CHAC2: variants seen among roughly 807,000 people sequenced by gnomAD.
The protein encoded by CHAC2 is glutathione-specific gamma-glutamylcyclotransferase 2.
A neutral mutation model predicts 16.9 loss-of-function variants in CHAC2; 20 were observed. That is an observed-to-expected ratio of 1.18 (90% CI 0.83 to 1.72). The LOEUF (loss-of-function observed/expected upper bound fraction) is 1.72, where lower values mean the gene tolerates loss of function less well. Among genes scored for constraint, CHAC2 ranks in the 40% most tolerant of loss-of-function variants. The probability of loss-of-function intolerance (pLI) is 0.00; values close to 1 mark genes in which losing one functional copy is unlikely to be tolerated. For synonymous variants in CHAC2, 91 were observed against 77.3 expected (o/e 1.18, Z -0.93); for missense variants, 269 against 222.2 (o/e 1.21, Z -1.34).
chr2:53,773,791 C>T (rs1410609067), intron 2 of CHAC2, among the ~76,000 whole-genome samples: 24 of 150,566 alleles, frequency 1.6e-4, no homozygotes, highest in African/African-American at 3.2e-4. Context: ...TCCCAGCACA[C>T]TGGGAGGCCG....
intron 2 of CHAC2, among the ~76,000 whole-genome samples, chr2:53,772,232 T>G (rs565042461): frequency 3.9e-5 from 6 of 152,292 alleles, no homozygotes; most frequent in African/African-American, 1.4e-4. Context: ...TGGAGTGCAG[T>G]GGCGCGATCT....
chr2:53,767,970 C>T lies in CHAC2; in HGVS notation c.84C>T (p.Tyr28=). 6.2e-7 allele frequency: 1 copy of T among 1,614,158 alleles called. No homozygotes were observed. Among genetic ancestry groups the T allele is most frequent in the Non-Finnish European group, 8.5e-7 (1 of 1,180,024 alleles). ...QDKLVGYITN[Y]SRRFWQGSTD... ...AGCTGGTCGGATACATCACCAACTACAGCAGGCGCTTCTGGCAGGGCAGCA... is the reference window on the plus strand; with the variant it reads ...AGCTGGTCGGATACATCACCAACTATAGCAGGCGCTTCTGGCAGGGCAGCA... The change falls in exon 1 of 3, where the codon TAC becomes TAT. Residue 28 remains tyrosine, a synonymous_variant. Transcript: ENST00000295304.
chr2:53,769,032 T>C (rs1673702126), intron 1 of CHAC2, among the ~76,000 whole-genome samples: 1 of 152,214 alleles, frequency 6.6e-6, no homozygotes, highest in African/African-American at 2.4e-5. Context: ...GTTAAGAACT[T>C]GGCTTTTAAG....
In CHAC2 at chr2:53,774,387, A is replaced by G; in HGVS notation, c.417A>G (p.Gly139=). Residue 139 remains glycine (G), a synonymous_variant, in exon 3 of 3, where the codon GGA becomes GGG. Coordinates refer to ENST00000295304, the MANE Select transcript of CHAC2 (RefSeq NM_001008708.4). ...EQIFNAAGPS[G]RNTEYLFELA... is the part of the protein sequence containing the mutation. ...TTTTTAATGCAGCTGGTCCAAGTGG[A>G]AGAAATACAGAATATCTTTTTGAAC... The G allele has an allele frequency of 1.9e-6, 3 of 1,613,584 alleles. No individual in the cohort carries two copies. Among genetic ancestry groups the G allele is most frequent in the Non-Finnish European group, 2.5e-6 (3 of 1,179,906 alleles).
chr2:53,773,325 T>C (rs969794651), intron 2 of CHAC2, among the ~76,000 whole-genome samples: 3 of 152,236 alleles, frequency 2.0e-5, no homozygotes, highest in African/African-American at 7.2e-5. Flanking sequence ...GCTGTGCCTA[T>C]GATACAAAGA....
intron 2 of CHAC2, among the ~76,000 whole-genome samples, chr2:53,773,283 TA>T (rs931409515): frequency 8.0e-5 from 12 of 150,192 alleles, no homozygotes; most frequent in Admixed American, 4.0e-4. Flanking sequence ...AAGACCAAAT[TA>T]AAAAAAAATT....
In CHAC2 at chr2:53,775,047, T is replaced by G. The variant is rs1481023498; in HGVS notation, c.*522T>G. On this transcript the variant is annotated 3_prime_UTR_variant, in exon 3 of 3. Coordinates refer to ENST00000295304, the MANE Select transcript of CHAC2 (RefSeq NM_001008708.4). ...CAAGTATTAAATGAAATCTTTTGAG[T>G]TTTTAGCCAAAAATTGGCATTTTTA... 1 of 152,644 alleles carries G rather than the reference T, an allele frequency of 6.6e-6. No homozygotes were observed. Among genetic ancestry groups the G allele is most frequent in the Non-Finnish European group, 1.5e-5 (1 of 68,040 alleles). The allele number at this position is 152,644 out of a possible 1,614,324, so 9.5% of individuals were successfully genotyped here. A position where few individuals can be genotyped will look rare whatever the true frequency, so the allele number is the denominator to read the frequency against.
At chr2:53,768,145 G>C (rs986811028) in intron 1 of CHAC2, 124 bp downstream of exon 1, 54 of 1,132,736 alleles carry the variant, frequency 4.8e-5, no homozygotes, top group Admixed American at 1.1e-4. Context: ...CACATGGCTT[G>C]GGGTAACATT....
chr2:53,769,919 T>C (rs1673777512), intron 1 of CHAC2, among the ~76,000 whole-genome samples: 1 of 152,182 alleles, frequency 6.6e-6, no homozygotes, highest in Non-Finnish European at 1.5e-5. Flanking sequence ...ATACCATACA[T>C]CTTAGCCCAT....
intron 1 of CHAC2, among the ~76,000 whole-genome samples, chr2:53,768,753 A>T (rs6737681): frequency 2.0e-5 from 3 of 152,194 alleles, no homozygotes; most frequent in East Asian, 1.9e-4. Context: ...CTTTTCAGTC[A>T]GTCCTACAAA....
At chr2:53,773,932 G>A (rs905619548) in intron 2 of CHAC2, among the ~76,000 whole-genome samples, 22 of 152,064 alleles carry the variant, frequency 1.4e-4, no homozygotes, top group African/African-American at 5.1e-4. Flanking sequence ...TCACTTGAGA[G>A]GCTGAGGCAG....
At position 53,774,808 on chromosome 2, in the gene CHAC2, CA is replaced by C. The variant is rs1674219564; in HGVS notation, c.*284del. 3.9e-6 allele frequency: 1 copy of C among 253,886 alleles called. No individual in the cohort carries two copies. Among genetic ancestry groups the C allele is most frequent in the South Asian group, 1.3e-4 (1 of 7,950 alleles). 15.7% of individuals were successfully genotyped at this position (253,886 alleles called of 1,614,324 possible). ...GGACTCAGTTCAGTCTTGTTTTTAT[CA>C]GAGTGATAATCATCCTGTTTCACAT... On this transcript the variant is annotated 3_prime_UTR_variant, in exon 3 of 3. Transcript: ENST00000295304.
Position 53,774,459 on chromosome 2 carries a change from T to A in CHAC2, c.489T>A (p.His163Gln). 3.1e-6 allele frequency: 5 copies of A among 1,595,202 alleles called. No individual in the cohort carries two copies. The highest frequency in any genetic ancestry group is 4.3e-6 in the Non-Finnish European group (5 of 1,174,602). The stretch of plus-strand genomic sequence containing the variant: ...TTGTGCCAGAAGAAGCAGATGAGCA[T>A]CTTTTCGCTTTGGAAAAATTAGTAA... ...RNLVPEEADE[H>Q]LFALEKLVKE... Residue 163 changes from histidine to glutamine, a missense_variant, in exon 3 of 3, where the codon CAT becomes CAA. His to Gln is a conservative substitution (Grantham distance 24). Coordinates refer to ENST00000295304, the MANE Select transcript of CHAC2 (RefSeq NM_001008708.4).
intron 1 of CHAC2, among the ~76,000 whole-genome samples, chr2:53,771,495 T>C (rs1305459258): frequency 6.6e-6 from 1 of 152,050 alleles, no homozygotes; most frequent in Admixed American, 6.6e-5. Flanking sequence ...CCTGGGCTTG[T>C]TGAGCAAAAC....
intron 1 of CHAC2, among the ~76,000 whole-genome samples, chr2:53,770,140 A>C (rs1024305642): frequency 3.9e-5 from 6 of 152,242 alleles, no homozygotes; most frequent in African/African-American, 1.4e-4. Flanking sequence ...TCATCTTAAA[A>C]AGAAAACAAG....
At chr2:53,769,783 G>C (rs59689026) in intron 1 of CHAC2, among the ~76,000 whole-genome samples, 1 of 152,092 alleles carries the variant, frequency 6.6e-6, no homozygotes, top group African/African-American at 2.4e-5. Context: ...CAGACGTTGC[G>C]GTGAGCTGAG....
At chr2:53,771,467 C>G (rs1673904717) in intron 1 of CHAC2, among the ~76,000 whole-genome samples, 2 of 151,974 alleles carry the variant, frequency 1.3e-5, no homozygotes, top group African/African-American at 2.4e-5. Context: ...GAGCCAAGAT[C>G]GCACCACTGC....
chr2:53,771,941 C>T lies in CHAC2; in HGVS notation c.170C>T (p.Ala57Val), dbSNP rs768976504. Residue 57 changes from alanine (A) to valine (V), a missense_variant and splice_region_variant, in exon 2 of 3, where the codon GCG becomes GTG. Transcript: ENST00000295304. Reference sequence around the variant, plus strand: ...GTTGTGACTCTTGTTGAAGATCCTGCGGTATGGTATAAATATTCTTTTTTG... The same window carrying T: ...GTTGTGACTCTTGTTGAAGATCCTGTGGTATGGTATAAATATTCTTTTTTG... ...GRVVTLVEDP[A>V]GCVWGVAYRL... 2 of 1,532,076 alleles carry T rather than the reference C, an allele frequency of 1.3e-6. No individual in the cohort carries two copies. The highest frequency in any genetic ancestry group is 1.9e-5 in the Admixed American group (1 of 52,672). 94.9% of individuals were successfully genotyped at this position (1,532,076 alleles called of 1,614,324 possible).
Position 53,774,595 on chromosome 2 carries a change from C to T in CHAC2, c.*70C>T, listed in dbSNP as rs959510139. Reference sequence around the variant, plus strand: ...TTTGGAAATACGTTTACTTAAAGATCTTATTTTTAATGTAGTGAGGATATT... The same window carrying T: ...TTTGGAAATACGTTTACTTAAAGATTTTATTTTTAATGTAGTGAGGATATT... On this transcript the variant is annotated 3_prime_UTR_variant, in exon 3 of 3. Transcript: ENST00000295304. 206 of 1,175,390 alleles carry T rather than the reference C, an allele frequency of 1.8e-4. No homozygotes were observed. Among genetic ancestry groups the T allele is most frequent in the Non-Finnish European group, 2.3e-4 (198 of 850,330 alleles). The allele number at this position is 1,175,390 out of a possible 1,614,324, so 72.8% of individuals were successfully genotyped here. A position where few individuals can be genotyped will look rare whatever the true frequency, so the allele number is the denominator to read the frequency against.
Sources: allele counts gnomAD v4.1 joint callset (sites outside exome capture counted in the v4.1 genomes callset), GRCh38; gene constraint gnomAD v4.1.1; transcripts MANE v1.5; gene names NCBI Gene and HGNC (gene_info 2026-07-23, HGNC 2026-07-21).